The following CHRND variants were observed in gnomAD, a reference collection of about 807,000 sequenced individuals.
The protein encoded by CHRND is cholinergic receptor nicotinic delta subunit.
Under a neutral mutation model 57.8 loss-of-function variants are expected in CHRND, and 40 were observed. The observed-to-expected ratio is 0.69, with a 90% CI of 0.54 to 0.90. The LOEUF (loss-of-function observed/expected upper bound fraction) is 0.90, where lower values mean the gene tolerates loss of function less well. CHRND is among the 40% of genes least tolerant of loss of function. The pLI is 0.00. For synonymous variants in CHRND, 237 were observed against 270.6 expected (o/e 0.88, Z 1.22); for missense variants, 634 against 673.9 (o/e 0.94, Z 0.66).
intron 9 of CHRND, among the ~76,000 whole-genome samples, chr2:232,532,329 G>A (rs532949342): frequency 4.0e-5 from 6 of 151,546 alleles, no homozygotes; most frequent in South Asian, 4.2e-4. Context: ...TTAGCCAGGC[G>A]TGATAGTGTG....
intron 9 of CHRND, among the ~76,000 whole-genome samples, chr2:232,532,357 A>C (rs1355118539): frequency 1.3e-5 from 2 of 151,226 alleles, no homozygotes; most frequent in East Asian, 3.9e-4. Context: ...AATCCCAGCT[A>C]CTCGGGGGGC....
In CHRND at chr2:232,535,514, A is replaced by G. The variant is rs1691857106; in HGVS notation, c.*202A>G. Reference sequence around the variant, plus strand: ...CACCCGAGATGGTCTGAGGGTGGACATCGGCTACAGTGGGTGGGCAGGACG... The same window carrying G: ...CACCCGAGATGGTCTGAGGGTGGACGTCGGCTACAGTGGGTGGGCAGGACG... On this transcript the variant is annotated 3_prime_UTR_variant, in exon 12 of 12. Transcript: ENST00000258385. 1.3e-6 allele frequency: 1 copy of G among 753,964 alleles called. No homozygotes were observed. The highest frequency in any genetic ancestry group is 1.5e-5 in the South Asian group (1 of 67,936). 46.7% of individuals were successfully genotyped at this position (753,964 alleles called of 1,614,324 possible). A position where few individuals can be genotyped will look rare whatever the true frequency, so the allele number is the denominator to read the frequency against.
chr2:232,533,362 C>G (rs539567539), intron 9 of CHRND, among the ~76,000 whole-genome samples: 1 of 152,128 alleles, frequency 6.6e-6, no homozygotes, highest in Non-Finnish European at 1.5e-5. Flanking sequence ...GGGGGAGACT[C>G]TAGCATTTGG....
chr2:232,535,204 G>A lies in CHRND; in HGVS notation c.1446G>A (p.Val482=), dbSNP rs1352698710. The change falls in exon 12 of 12, where the codon GTG becomes GTA. Residue 482 remains valine (V), a synonymous_variant. Coordinates refer to ENST00000258385, the MANE Select transcript of CHRND (RefSeq NM_000751.3). ...TGTTTGTGGTGACGCCTGTCATGGT[G>A]GTGGGCACAGCCTGGATCTTCCTGC... ...LCLFVVTPVM[V]VGTAWIFLQG... is the part of the protein sequence containing the mutation. 6.8e-6 allele frequency: 11 copies of A among 1,614,116 alleles called. No individual in the cohort carries two copies. The highest frequency in any genetic ancestry group is 9.3e-6 in the Non-Finnish European group (11 of 1,180,038).
In CHRND at chr2:232,527,457, C is replaced by T; in HGVS notation, c.243+12C>T. On this transcript the variant is annotated intron_variant, in intron 3 of 11. Transcript: ENST00000258385. ...TGTGGATAGAGCACGTAAGAATGCC[C>T]CTCCCAGCCGGGCGCAGTGGCTCAT... 6.2e-7 allele frequency: 1 copy of T among 1,609,704 alleles called. No homozygotes were observed. Among genetic ancestry groups the T allele is most frequent in the African/African-American group, 1.3e-5 (1 of 74,818 alleles).
chr2:232,528,282 G>A lies in CHRND; in HGVS notation c.264G>A (p.Leu88=), dbSNP rs1029592483. The A allele has an allele frequency of 1.2e-6, 2 of 1,614,176 alleles. No homozygotes were observed. Among genetic ancestry groups the A allele is most frequent in the Non-Finnish European group, 1.7e-6 (2 of 1,180,036 alleles). The part of the protein sequence containing the change: ...WIEHGWTDNR[L]KWNAEEFGNI... ...TCCAGGGCTGGACAGACAACCGGCT[G>A]AAGTGGAATGCTGAAGAATTTGGAA... The change falls in exon 4 of 12, where the codon CTG becomes CTA. Residue 88 remains leucine, a synonymous_variant. Transcript: ENST00000258385.
Position 232,526,637 on chromosome 2 carries a change from T to C in CHRND, c.161T>C (p.Val54Ala). The C allele has an allele frequency of 6.2e-7, 1 of 1,613,650 alleles. No homozygotes were observed. The change falls in exon 2 of 12, where the codon GTT becomes GCT. Residue 54 changes from valine to alanine, a missense_variant. Coordinates refer to ENST00000258385, the MANE Select transcript of CHRND (RefSeq NM_000751.3). ...PVAHKEESVD[V>A]ALALTLSNLI... Reference sequence around the variant, plus strand: ...GCACACAAAGAGGAGAGTGTGGACGTTGCCCTGGCCCTCACACTCTCCAAC... The same window carrying C: ...GCACACAAAGAGGAGAGTGTGGACGCTGCCCTGGCCCTCACACTCTCCAAC...
chr2:232,529,531 C>A (rs1370099077), intron 6 of CHRND, among the ~76,000 whole-genome samples: 1 of 152,200 alleles, frequency 6.6e-6, no homozygotes, highest in African/African-American at 2.4e-5. Flanking sequence ...AGGCCCAGGC[C>A]GAGGAGTGGC....
In CHRND at chr2:232,535,662, A is replaced by G. The variant is rs899560147; in HGVS notation, c.*350A>G. The G allele has an allele frequency of 1.0e-5, 5 of 493,290 alleles. No homozygotes were observed. The highest frequency in any genetic ancestry group is 2.3e-5 in the Admixed American group (1 of 43,596). The allele number at this position is 493,290 out of a possible 1,614,324, so 30.6% of individuals were successfully genotyped here. A position where few individuals can be genotyped will look rare whatever the true frequency, so the allele number is the denominator to read the frequency against. ...CCCCTTCTCTGCTTCTCCTCCCCCA[A>G]GGTGTGGGGTAGAGCAGGCAGGAAT... On this transcript the variant is annotated 3_prime_UTR_variant, in exon 12 of 12. Transcript: ENST00000258385.
chr2:232,530,968 CG>C (rs1182603017), intron 7 of CHRND, among the ~76,000 whole-genome samples: 3 of 152,134 alleles, frequency 2.0e-5, no homozygotes, highest in Non-Finnish European at 4.4e-5. Flanking sequence ...ACTTTCTAAG[CG>C]GGGAGTAACG....
chr2:232,527,616 T>C (rs939854824), intron 3 of CHRND, among the ~76,000 whole-genome samples, 171 bp downstream of exon 3: 3 of 151,976 alleles, frequency 2.0e-5, no homozygotes, highest in Non-Finnish European at 4.4e-5. Flanking sequence ...TGGTGGTGGG[T>C]ACCTGTAGTC....
At position 232,531,578 on chromosome 2, in the gene CHRND, TGTG is replaced by T; in HGVS notation, c.973_975del (p.Val325del). 6.2e-7 allele frequency: 1 copy of T among 1,614,048 alleles called. No individual in the cohort carries two copies. Among genetic ancestry groups the T allele is most frequent in the Non-Finnish European group, 8.5e-7 (1 of 1,180,024 alleles). ...TCGGCATGGTGCTGGTCACCATGGT[TGTG>T]GTGATCTGTGTCATCGTGCTCAACA... is the stretch of plus-strand genomic sequence containing the variant. On this transcript the variant is annotated inframe_deletion, in exon 9 of 12. Coordinates refer to ENST00000258385, the MANE Select transcript of CHRND (RefSeq NM_000751.3).
rs1389326688 is a variant in CHRND, at chr2:232,536,397, C to A, written c.*1085C>A. ...TCATTCTCACATCAGTTGGATCTCT[C>A]ACTTTGGGGAAGCCAGCTGGCATGT... On this transcript the variant is annotated 3_prime_UTR_variant, in exon 12 of 12. Transcript: ENST00000258385. 2.2e-6 allele frequency: 1 copy of A among 454,032 alleles called. No homozygotes were observed. Among genetic ancestry groups the A allele is most frequent in the Non-Finnish European group, 4.4e-6 (1 of 226,810 alleles). 28.1% of individuals were successfully genotyped at this position (454,032 alleles called of 1,614,324 possible).
Position 232,535,208 on chromosome 2 carries a change from G to A in CHRND, c.1450G>A (p.Gly484Ser). 11 of 1,614,224 alleles carry A rather than the reference G, an allele frequency of 6.8e-6. No individual in the cohort carries two copies. Among genetic ancestry groups the A allele is most frequent in the Non-Finnish European group, 8.5e-6 (10 of 1,180,044 alleles). Residue 484 changes from glycine to serine, a missense_variant, in exon 12 of 12, where the codon GGC becomes AGC. Gly to Ser is a moderately conservative substitution (Grantham distance 56). Coordinates refer to ENST00000258385, the MANE Select transcript of CHRND (RefSeq NM_000751.3). Reference protein sequence around the residue: ...LFVVTPVMVVGTAWIFLQGVY... With the variant: ...LFVVTPVMVVSTAWIFLQGVY... Reference sequence around the variant, plus strand: ...TGTGGTGACGCCTGTCATGGTGGTGGGCACAGCCTGGATCTTCCTGCAGGG... The same window carrying A: ...TGTGGTGACGCCTGTCATGGTGGTGAGCACAGCCTGGATCTTCCTGCAGGG...
At chr2:232,532,102 T>C (rs577839185) in intron 9 of CHRND, among the ~76,000 whole-genome samples, 1 of 151,276 alleles carries the variant, frequency 6.6e-6, no homozygotes, top group East Asian at 1.9e-4. Flanking sequence ...GAGGTTGCAA[T>C]GTACTATGAT....
intron 9 of CHRND, among the ~76,000 whole-genome samples, chr2:232,532,414 G>A (rs532215508): frequency 1.4e-5 from 2 of 143,842 alleles, no homozygotes; most frequent in African/African-American, 5.2e-5. Flanking sequence ...GTTGCAGTGA[G>A]CCGAGATCTC....
intron 7 of CHRND, among the ~76,000 whole-genome samples, chr2:232,531,119 G>A (rs1167095012): frequency 6.6e-6 from 1 of 152,180 alleles, no homozygotes; most frequent in Non-Finnish European, 1.5e-5. Flanking sequence ...TGAGAAAACT[G>A]ATGCACAGAG....
chr2:232,529,921 T>G lies in CHRND; in HGVS notation c.620-18T>G. 6.2e-7 allele frequency: 1 copy of G among 1,613,312 alleles called. No individual in the cohort carries two copies. The highest frequency in any genetic ancestry group is 8.5e-7 in the Non-Finnish European group (1 of 1,179,684). ...CTTGGCCTGGCCTGACCCTAAGATGTCCATGTGCCGCCCTCAGAGAACGGG... is the reference window on the plus strand; with the variant it reads ...CTTGGCCTGGCCTGACCCTAAGATGGCCATGTGCCGCCCTCAGAGAACGGG... On this transcript the variant is annotated intron_variant, in intron 6 of 11. Coordinates refer to ENST00000258385, the MANE Select transcript of CHRND (RefSeq NM_000751.3).
Position 232,526,193 on chromosome 2 carries a change from C to T in CHRND, c.-23C>T. The T allele has an allele frequency of 1.3e-6, 2 of 1,599,960 alleles. No individual in the cohort carries two copies. Among genetic ancestry groups the T allele is most frequent in the African/African-American group, 1.3e-5 (1 of 74,514 alleles). ...GCCCTGTAGACAGGAGGGGCAGATG[C>T]ACGTCCCAGTCAGAGGGATGGGATG... On this transcript the variant is annotated 5_prime_UTR_variant, in exon 1 of 12. Coordinates refer to ENST00000258385, the MANE Select transcript of CHRND (RefSeq NM_000751.3).
Sources: allele counts gnomAD v4.1 joint callset (sites outside exome capture counted in the v4.1 genomes callset), GRCh38; gene constraint gnomAD v4.1.1; transcripts MANE v1.5; gene names NCBI Gene and HGNC (gene_info 2026-07-23, HGNC 2026-07-21).